The following CEP83 variants were observed in gnomAD, a reference collection of about 807,000 sequenced individuals.
The protein encoded by CEP83 is centrosomal protein of 83 kDa.
Under a neutral mutation model 101.9 loss-of-function variants are expected in CEP83, and 70 were observed. The ratio of observed to expected loss-of-function variants is 0.69; its 90% confidence interval spans 0.57 to 0.84. The LOEUF is 0.84. Ranked by LOEUF, CEP83 falls within the 40% of genes least tolerant of loss-of-function variation. CEP83 has a pLI of 0.00. For missense variants in CEP83, 715 were observed against 787.2 expected (o/e 0.91, Z 1.10); for synonymous variants, 264 against 267.9 (o/e 0.99, Z 0.14).
At chr12:94,400,138 C>T (rs2063166846) in intron 6 of CEP83, among the ~76,000 whole-genome samples, 1 of 152,148 alleles carries the variant, frequency 6.6e-6, no homozygotes, top group African/African-American at 2.4e-5. Flanking sequence ...GAATATTTCA[C>T]ATAACTATAG....
At chr12:94,457,050 T>G (rs2067733847) in intron 1 of CEP83, among the ~76,000 whole-genome samples, 2 of 152,106 alleles carry the variant, frequency 1.3e-5, no homozygotes, top group African/African-American at 4.8e-5. Flanking sequence ...AAGGTACAAT[T>G]TAGATTTTAA....
chr12:94,282,449 A>C, the CEP83 span: 2 of 1,209,140 alleles, frequency 1.7e-6, no homozygotes, highest in African/African-American at 3.0e-5. Context: ...CCCCAATCCT[A>C]GTCCCATGGA....
intron 12 of CEP83, 61 bp downstream of exon 12, chr12:94,335,528 A>G (rs564636418): frequency 8.8e-5 from 103 of 1,168,722 alleles, no homozygotes; most frequent in Middle Eastern, 5.2e-4. Flanking sequence ...TAAAATTTGC[A>G]AAACATAAAT....
intron 2 of CEP83, among the ~76,000 whole-genome samples, chr12:94,425,824 A>AT (rs2065150266): frequency 6.6e-6 from 1 of 152,222 alleles, no homozygotes; most frequent in Non-Finnish European, 1.5e-5. Flanking sequence ...TAATGTGTAT[A>AT]TAAGAAATGA....
At chr12:94,444,573 T>G (rs952004684) in intron 1 of CEP83, among the ~76,000 whole-genome samples, 33 of 152,032 alleles carry the variant, frequency 2.2e-4, no homozygotes, top group African/African-American at 7.9e-4. Context: ...GAATCTTCTT[T>G]TATTTGTCAT....
At chr12:94,273,674 A>G in the CEP83 span, among the ~76,000 whole-genome samples, 1 of 152,124 alleles carries the variant, frequency 6.6e-6, no homozygotes, top group African/African-American at 2.4e-5. Flanking sequence ...AGTACTTCCC[A>G]AGCAGGATGA....
Position 94,313,033 on chromosome 12 carries a change from T to G in CEP83, c.1708-16A>C, listed in dbSNP as rs746978810. Reference sequence around the variant, plus strand: ...GAGATTTTCTCTAAAAAGAGAAATATGAACAAGTATGTTAATACATAATCT... The same window carrying G: ...GAGATTTTCTCTAAAAAGAGAAATAGGAACAAGTATGTTAATACATAATCT... On this transcript the variant is annotated splice_polypyrimidine_tract_variant and intron_variant, in intron 14 of 16. Coordinates refer to ENST00000397809, the MANE Select transcript of CEP83 (RefSeq NM_016122.3). 3 of 1,119,788 alleles carry G rather than the reference T, an allele frequency of 2.7e-6. No individual in the cohort carries two copies. In the African/African-American group the frequency reaches 4.7e-5, roughly 17 times the overall value. 69.4% of individuals were successfully genotyped at this position (1,119,788 alleles called of 1,614,324 possible).
chr12:94,348,996 T>C (rs2060076593), intron 11 of CEP83, among the ~76,000 whole-genome samples: 1 of 152,074 alleles, frequency 6.6e-6, no homozygotes, highest in Non-Finnish European at 1.5e-5. Flanking sequence ...TAAGTGTTTG[T>C]CTAATCCCAC....
At chr12:94,369,708 T>C in intron 9 of CEP83, 1 of 366,624 alleles carries the variant, frequency 2.7e-6, no homozygotes, top group East Asian at 4.8e-5. Context: ...CCAATAACTA[T>C]GATAAAAACA....
chr12:94,299,572 T>G, the CEP83 span, among the ~76,000 whole-genome samples: 16,236 of 152,156 alleles, frequency 0.11, 1,068 homozygotes, highest in Non-Finnish European at 0.14. Context: ...AGCCTCTTTT[T>G]TTTTGAGACA....
intron 4 of CEP83, among the ~76,000 whole-genome samples, chr12:94,408,427 A>G (rs988005696): frequency 5.3e-5 from 8 of 152,202 alleles, no homozygotes; most frequent in African/African-American, 1.9e-4. Flanking sequence ...TACAGTTTTC[A>G]TTAGCACAAA....
intron 2 of CEP83, among the ~76,000 whole-genome samples, chr12:94,422,829 A>G (rs2064867425): frequency 6.6e-6 from 1 of 152,240 alleles, no homozygotes; most frequent in African/African-American, 2.4e-5. Flanking sequence ...ATTTAAATAT[A>G]ACACATATTG....
rs139181975 is a variant in CEP83 at position 94,339,050 on chromosome 12, C to T, written c.1344-3386G>A. 2.5e-3 allele frequency among the ~76,000 whole-genome samples: 379 copies of T among 151,804 alleles called. 23 individuals are homozygous for T. The East Asian group carries it at 0.068, about 27-fold the overall frequency. ...TGTGATCTCAGCTCACCGCAACCTC[C>T]GCCTCCTGGGTTCAAGTGATTCTCC... On this transcript the variant is annotated intron_variant, in intron 11 of 16. Coordinates refer to ENST00000397809, the MANE Select transcript of CEP83 (RefSeq NM_016122.3).
intron 11 of CEP83, among the ~76,000 whole-genome samples, chr12:94,362,999 A>G (rs1029160455): frequency 6.6e-6 from 1 of 152,238 alleles, no homozygotes; most frequent in Non-Finnish European, 1.5e-5. Flanking sequence ...ATAGAACTAG[A>G]GAGTAGAATA....
the CEP83 span, among the ~76,000 whole-genome samples, chr12:94,273,919 C>T: frequency 4.5e-4 from 68 of 152,132 alleles, no homozygotes; most frequent in African/African-American, 1.5e-3. Context: ...CCCTACATTC[C>T]GTGGTGTCAG....
intron 14 of CEP83, among the ~76,000 whole-genome samples, chr12:94,319,563 A>C (rs1057240140): frequency 6.6e-6 from 1 of 152,084 alleles, no homozygotes; most frequent in African/African-American, 2.4e-5. Flanking sequence ...AGATTCTGGT[A>C]TGTTGTATCT....
intron 11 of CEP83, among the ~76,000 whole-genome samples, chr12:94,346,027 T>C (rs1304099961): frequency 1.3e-5 from 2 of 152,074 alleles, no homozygotes; most frequent in African/African-American, 2.4e-5. Flanking sequence ...CTCTGGACCC[T>C]TGAGATCTCA....
At chr12:94,317,227 T>C (rs1436776479) in intron 14 of CEP83, among the ~76,000 whole-genome samples, 1 of 152,176 alleles carries the variant, frequency 6.6e-6, no homozygotes, top group Non-Finnish European at 1.5e-5. Flanking sequence ...CTTTTGAAAA[T>C]GATCTGTTCA....
intron 13 of CEP83, among the ~76,000 whole-genome samples, chr12:94,332,467 A>G (rs2059265475): frequency 6.6e-6 from 1 of 152,212 alleles, no homozygotes; most frequent in Non-Finnish European, 1.5e-5. Flanking sequence ...TAAGTATCTT[A>G]GCTGGAACTA....
Sources: allele counts gnomAD v4.1 joint callset (sites outside exome capture counted in the v4.1 genomes callset), GRCh38; gene constraint gnomAD v4.1.1; transcripts MANE v1.5; gene names NCBI Gene and HGNC (gene_info 2026-07-23, HGNC 2026-07-21).